The following NALF1 variants were observed in gnomAD, a reference collection of about 807,000 sequenced individuals.
The protein encoded by NALF1 is NALCN channel auxiliary factor 1.
NALF1 carries 3 observed loss-of-function variants against 48.4 expected under a neutral mutation model. The observed-to-expected ratio is 0.06, with a 90% confidence interval of 0.03 to 0.16. NALF1 has a LOEUF of 0.16. Among genes scored for constraint, NALF1 ranks in the 10% least tolerant of loss-of-function variants. The probability of loss-of-function intolerance (pLI) is 1.00; values close to 1 mark genes in which losing one functional copy is unlikely to be tolerated. For synonymous variants in NALF1, 262 were observed against 245.7 expected, an observed-to-expected ratio of 1.07 and a Z score of -0.62; for missense variants, 526 against 571.5, an observed-to-expected ratio of 0.92 and a Z score of 0.81.
At chr13:107,546,806 A>T (rs899157428) in intron 1 of NALF1, among the ~76,000 whole-genome samples, 2 of 152,208 alleles carry the variant, frequency 1.3e-5, no homozygotes, top group East Asian at 1.9e-4. Flanking sequence ...TGCATTATAC[A>T]TCTAAGTAGC....
intron 1 of NALF1, among the ~76,000 whole-genome samples, chr13:107,308,885 C>T (rs2138901468): frequency 6.6e-6 from 1 of 152,304 alleles, no homozygotes; most frequent in South Asian, 2.1e-4. Flanking sequence ...TTTTTCCTGC[C>T]TTAGCAGCCT....
chr13:107,272,906 G>C (rs1478910471), intron 1 of NALF1, among the ~76,000 whole-genome samples: 1 of 152,156 alleles, frequency 6.6e-6, no homozygotes, highest in African/African-American at 2.4e-5. Context: ...ATATAAAAAT[G>C]AGAATAAAAA....
intron 1 of NALF1, among the ~76,000 whole-genome samples, chr13:107,833,821 T>G (rs1371493704): frequency 2.0e-5 from 3 of 152,300 alleles, no homozygotes; most frequent in Admixed American, 1.3e-4. Flanking sequence ...AATAATAGTA[T>G]TTTAATTTCC....
intron 1 of NALF1, among the ~76,000 whole-genome samples, chr13:107,498,522 T>C (rs1875411644): frequency 6.6e-6 from 1 of 152,104 alleles, no homozygotes; most frequent in South Asian, 2.1e-4. Flanking sequence ...TATGGGAATA[T>C]GATGATTAAT....
At chr13:107,656,483 GCCATA>G (rs1213417854) in intron 1 of NALF1, among the ~76,000 whole-genome samples, 1 of 152,038 alleles carries the variant, frequency 6.6e-6, no homozygotes, top group East Asian at 1.9e-4. Flanking sequence ...TGCAAGAATG[GCCATA>G]ATCAAAAAAA....
chr13:107,581,498 A>G (rs1878308201), intron 1 of NALF1, among the ~76,000 whole-genome samples: 1 of 152,168 alleles, frequency 6.6e-6, no homozygotes, highest in Non-Finnish European at 1.5e-5. Context: ...TCCAAAATCA[A>G]TGGTCTTGCT....
intron 1 of NALF1, among the ~76,000 whole-genome samples, chr13:107,558,033 C>T (rs1356988567): frequency 6.6e-6 from 1 of 151,792 alleles, no homozygotes; most frequent in Non-Finnish European, 1.5e-5. Context: ...GCACAGGAAA[C>T]ACAACCCAAC....
intron 1 of NALF1, among the ~76,000 whole-genome samples, chr13:107,514,628 A>C (rs2139090401): frequency 6.6e-6 from 1 of 152,342 alleles, no homozygotes; most frequent in Admixed American, 6.5e-5. Flanking sequence ...AATTGTTTGA[A>C]GAAGAGTTAC....
At position 107,495,848 on chromosome 13, in the gene NALF1, T is replaced by C. The variant is rs374205757; in HGVS notation, c.916-285093A>G. 3.9e-5 allele frequency among the ~76,000 whole-genome samples: 6 copies of C among 152,210 alleles called. No individual in the cohort carries two copies. In the East Asian group the frequency reaches 7.7e-4, roughly 20 times the overall value. On this transcript the variant is annotated intron_variant, in intron 1 of 2. Transcript: ENST00000375915. Reference sequence around the variant, plus strand: ...ATCTGATGTTCATTGAGGATAAGAATAAAGAAAATTACTAGAGTAAAAACC... The same window carrying C: ...ATCTGATGTTCATTGAGGATAAGAACAAAGAAAATTACTAGAGTAAAAACC...
chr13:107,517,299 C>T (rs1876088062), intron 1 of NALF1, among the ~76,000 whole-genome samples: 1 of 151,902 alleles, frequency 6.6e-6, no homozygotes, highest in African/African-American at 2.4e-5. Context: ...AACATCCAGG[C>T]TTAATTTACT....
At chr13:107,287,873 T>A (rs1309277928) in intron 1 of NALF1, among the ~76,000 whole-genome samples, 1 of 150,768 alleles carries the variant, frequency 6.6e-6, no homozygotes, top group African/African-American at 2.4e-5. Flanking sequence ...ACCCGGCTAA[T>A]TTTTTGTATT....
chr13:107,184,328 G>C (rs1192392575), intron 2 of NALF1, among the ~76,000 whole-genome samples: 3 of 152,072 alleles, frequency 2.0e-5, no homozygotes, highest in Admixed American at 2.0e-4. Context: ...TGCCTGAACG[G>C]AGAAAACCAT....
intron 1 of NALF1, among the ~76,000 whole-genome samples, chr13:107,389,557 C>A (rs1883586760): frequency 6.6e-6 from 1 of 152,118 alleles, no homozygotes; most frequent in Non-Finnish European, 1.5e-5. Flanking sequence ...AAATTTGAGA[C>A]AATCATTTTC....
chr13:107,843,786 C>G (rs1392627132), intron 1 of NALF1, among the ~76,000 whole-genome samples: 2 of 152,120 alleles, frequency 1.3e-5, no homozygotes, highest in Non-Finnish European at 2.9e-5. Context: ...AAACATAAGC[C>G]ATCTGCGAAT....
chr13:107,832,245 A>C (rs1277710145), intron 1 of NALF1, among the ~76,000 whole-genome samples: 3 of 151,722 alleles, frequency 2.0e-5, no homozygotes, highest in Non-Finnish European at 2.9e-5. Context: ...CATTAATATA[A>C]TATTTATTAT....
At position 107,783,726 on chromosome 13, in the gene NALF1, C is replaced by A. The variant is rs577680274; in HGVS notation, c.915+81956G>T. On this transcript the variant is annotated intron_variant, in intron 1 of 2. Transcript: ENST00000375915. ...CAAGTACCCAGGGACACAAACACTG[C>A]GGAAGGCCGCAGGGTCCTCTGCCTA... 5.3e-5 allele frequency among the ~76,000 whole-genome samples: 8 copies of A among 151,876 alleles called. No homozygotes were observed. In the East Asian group the frequency reaches 5.9e-4, roughly 11 times the overall value.
intron 1 of NALF1, among the ~76,000 whole-genome samples, chr13:107,417,136 C>T (rs1884104274): frequency 6.6e-6 from 1 of 152,226 alleles, no homozygotes; most frequent in African/African-American, 2.4e-5. Context: ...TTGTTTAACT[C>T]TTTAAGTATT....
intron 1 of NALF1, among the ~76,000 whole-genome samples, chr13:107,212,215 A>T (rs930925762): frequency 1.3e-5 from 2 of 152,358 alleles, no homozygotes; most frequent in South Asian, 4.1e-4. Context: ...GATCAAGGTG[A>T]CTTGGTAGAG....
intron 1 of NALF1, among the ~76,000 whole-genome samples, chr13:107,216,705 C>T (rs1431029446): frequency 6.6e-6 from 1 of 152,148 alleles, no homozygotes; most frequent in Non-Finnish European, 1.5e-5. Context: ...ATTTCCCAGT[C>T]CACCCAAACC....
Sources: gnomAD v4.1 joint callset for allele counts (sites outside exome capture counted in the v4.1 genomes callset) on GRCh38, gnomAD v4.1.1 for gene constraint, MANE v1.5 for transcripts, NCBI Gene and HGNC (gene_info 2026-07-23, HGNC 2026-07-21) for gene names.